Variants in NFKBIZ observed in about 807,000 individuals in gnomAD.
NFKBIZ encodes the protein NFKB inhibitor zeta.
A neutral mutation model predicts 76.8 loss-of-function variants in NFKBIZ; 19 were observed. The ratio of observed to expected loss-of-function variants is 0.25; its 90% CI spans 0.17 to 0.36. The LOEUF is 0.36. Among genes scored for constraint, NFKBIZ ranks in the 10% least tolerant of loss-of-function variants. The probability of loss-of-function intolerance (pLI) is 1.00; values close to 1 mark genes in which losing one functional copy is unlikely to be tolerated. For missense variants in NFKBIZ, 829 were observed against 910.9 expected (o/e 0.91, Z 1.16); for synonymous variants, 368 against 354.8 (o/e 1.04, Z -0.42).
At chr3:101,849,225 AGG>A (rs2107410190), upstream of NFKBIZ, 1 of 155,502 alleles carries the variant, frequency 6.4e-6, no homozygotes, top group Admixed American at 6.5e-5. Context: ...CGGAGGCGGG[AGG>A]CGGGAGGCGG....
Position 101,835,166 on chromosome 3 carries a change from T to C in NFKBIZ, c.-12+5478T>C, listed in dbSNP as rs547808402. On this transcript the variant is annotated intron_variant, in intron 2 of 12. Coordinates refer to the NFKBIZ transcript ENST00000394054. ...GCAGTTAATATACCCATTTTATGGA[T>C]GAGAAAAGAGTCTTAGAGAAATTAA... Among the ~76,000 whole-genome samples, 3 of 152,310 alleles carry C rather than the reference T, an allele frequency of 2.0e-5. No individual in the cohort carries two copies. The East Asian group carries it at 5.8e-4, about 29-fold the overall frequency.
At chr3:101,853,939 G>A in intron 5 of NFKBIZ, 76 bp downstream of exon 5, 3 of 1,430,962 alleles carry the variant, frequency 2.1e-6, no homozygotes, top group Non-Finnish European at 2.9e-6. Flanking sequence ...AATTTTTCTA[G>A]GGTATAACAA....
rs911745021 is a variant in NFKBIZ, at chr3:101,860,872, G to C, written c.*1501G>C. On this transcript the variant is annotated 3_prime_UTR_variant, in exon 12 of 12. Transcript: ENST00000326172. The stretch of plus-strand genomic sequence containing the variant: ...TGAGTACTTAAATTCTTTTTAAAAA[G>C]ATACCCTTTGGATTGATCACATTGT... 1.3e-5 allele frequency: 2 copies of C among 149,524 alleles called. No homozygotes were observed. The highest frequency in any genetic ancestry group is 4.9e-5 in the African/African-American group (2 of 40,550). 9.3% of individuals were successfully genotyped at this position (149,524 alleles called of 1,614,324 possible).
upstream of NFKBIZ, among the ~76,000 whole-genome samples, chr3:101,846,491 A>T (rs1185739733): frequency 6.6e-6 from 1 of 152,164 alleles, no homozygotes; most frequent in African/African-American, 2.4e-5. Flanking sequence ...TTGCACAGAA[A>T]ACTTCGTTTT....
At chr3:101,849,182 G>A (rs1307914942), upstream of NFKBIZ, 1 of 153,132 alleles carries the variant, frequency 6.5e-6, no homozygotes, top group East Asian at 1.9e-4. Flanking sequence ...GGGGCCTAGA[G>A]GGCAGGGATG....
At chr3:101,858,973 C>G (rs1361298865) in intron 11 of NFKBIZ, among the ~76,000 whole-genome samples, 1 of 152,112 alleles carries the variant, frequency 6.6e-6, no homozygotes, top group African/African-American at 2.4e-5. Flanking sequence ...GCCTTAATTA[C>G]TGTCTTATGT....
upstream of NFKBIZ, among the ~76,000 whole-genome samples, chr3:101,846,810 T>G (rs116365862): frequency 4.1e-3 from 618 of 152,282 alleles, 5 homozygotes; most frequent in African/African-American, 0.014. Flanking sequence ...AGAAAGAGAT[T>G]TATTATGAAG....
In NFKBIZ at chr3:101,853,351, G is replaced by C; in HGVS notation, c.825G>C (p.Arg275Ser). Residue 275 changes from arginine (R) to serine (S), a missense_variant, in exon 5 of 12, where the codon AGG (arginine) becomes AGC (serine). Physicochemically the swap from Arg to Ser is moderately radical, Grantham distance 110. This residue lies in a region of NFKBIZ where 371 missense variants were observed against 332.3 expected (regional missense o/e 1.12). Transcript: ENST00000326172. ...AGAAATGCCAACCATTCCAAGTCAG[G>C]GGCTCCCAACAAATGATAGACCAGG... Reference protein sequence around the residue: ...PPQKCQPFQVRGSQQMIDQAS... With the variant: ...PPQKCQPFQVSGSQQMIDQAS... 1 of 1,614,038 alleles carries C rather than the reference G, an allele frequency of 6.2e-7. No individual in the cohort carries two copies. The highest frequency in any genetic ancestry group is 8.5e-7 in the Non-Finnish European group (1 of 1,180,026).
upstream of NFKBIZ, among the ~76,000 whole-genome samples, chr3:101,847,891 C>G (rs1157047794): frequency 6.6e-6 from 1 of 152,210 alleles, no homozygotes; most frequent in Non-Finnish European, 1.5e-5. Context: ...AAACATTCTG[C>G]TCTGTGATCC....
In NFKBIZ at chr3:101,859,438, A is replaced by G. The variant is rs1943104075; in HGVS notation, c.*67A>G. The G allele has an allele frequency of 7.5e-7, 1 of 1,333,872 alleles. No homozygotes were observed. Among genetic ancestry groups the G allele is most frequent in the Non-Finnish European group, 1.1e-6 (1 of 928,268 alleles). The allele number at this position is 1,333,872 out of a possible 1,614,324, so 82.6% of individuals were successfully genotyped here. Reference sequence around the variant, plus strand: ...TTAGGCAGTCCTGATGTATCTGTACATAGACCATTTGCCTTATATTGGCAA... The same window carrying G: ...TTAGGCAGTCCTGATGTATCTGTACGTAGACCATTTGCCTTATATTGGCAA... On this transcript the variant is annotated 3_prime_UTR_variant, in exon 12 of 12. Coordinates refer to ENST00000326172, the MANE Select transcript of NFKBIZ (RefSeq NM_031419.4).
At chr3:101,840,171 A>G (rs1317687136) in intron 2 of NFKBIZ, among the ~76,000 whole-genome samples, 10 of 152,230 alleles carry the variant, frequency 6.6e-5, no homozygotes, top group Admixed American at 6.5e-4. Context: ...ATGTGTGGAA[A>G]TGAAACTTTT....
At chr3:101,855,272 A>G in intron 7 of NFKBIZ, 64 bp downstream of exon 7, 2 of 1,598,682 alleles carry the variant, frequency 1.3e-6, no homozygotes, top group South Asian at 1.1e-5. Context: ...GGATATTAGA[A>G]GTCGGATATA....
At chr3:101,830,830 G>A (rs75143506) in intron 2 of NFKBIZ, among the ~76,000 whole-genome samples, 2,360 of 152,144 alleles carry the variant, frequency 0.016, 58 homozygotes, top group African/African-American at 0.053. Flanking sequence ...ATATAACCAC[G>A]ACAAATGGTG....
chr3:101,833,578 G>A (rs992903501), intron 2 of NFKBIZ, among the ~76,000 whole-genome samples: 2 of 152,186 alleles, frequency 1.3e-5, no homozygotes, highest in Non-Finnish European at 1.5e-5. Context: ...TAAGAGTTTG[G>A]AAACTGAAAG....
At chr3:101,846,247 C>T (rs978896647), upstream of NFKBIZ, among the ~76,000 whole-genome samples, 4 of 152,108 alleles carry the variant, frequency 2.6e-5, no homozygotes, top group African/African-American at 7.2e-5. Flanking sequence ...ACAGTGTCCT[C>T]GTAACATGGT....
At chr3:101,839,130 A>C (rs534667209) in intron 2 of NFKBIZ, among the ~76,000 whole-genome samples, 1 of 152,178 alleles carries the variant, frequency 6.6e-6, no homozygotes. Context: ...TTTTATAACT[A>C]GTCTTTCTGT....
Position 101,853,693 on chromosome 3 carries a change from G to A in NFKBIZ, c.1167G>A (p.Glu389=). The part of the protein sequence containing the change: ...SSACEAMVGH[E]MASDSSNTSL... The stretch of plus-strand genomic sequence containing the variant: ...CCTGTGAGGCCATGGTGGGGCACGA[G>A]ATGGCCTCTGACTCTTCAAACACTT... The change falls in exon 5 of 12, where the codon GAG becomes GAA. Residue 389 remains glutamate (E), a synonymous_variant. Coordinates refer to ENST00000326172, the MANE Select transcript of NFKBIZ (RefSeq NM_031419.4). 2 of 1,614,258 alleles carry A rather than the reference G, an allele frequency of 1.2e-6. No individual in the cohort carries two copies. Among genetic ancestry groups the A allele is most frequent in the Non-Finnish European group, 1.7e-6 (2 of 1,180,050 alleles).
rs1445479160 is a variant in NFKBIZ, at chr3:101,849,803, G to GCGCCCGGCT, written c.186_194dup (p.Pro63_Ser65dup). 5.4e-6 allele frequency: 8 copies of GCGCCCGGCT among 1,470,124 alleles called. No homozygotes were observed. The highest frequency in any genetic ancestry group is 7.2e-6 in the Non-Finnish European group (8 of 1,118,354). The allele number at this position is 1,470,124 out of a possible 1,614,324, so 91.1% of individuals were successfully genotyped here. The stretch of plus-strand genomic sequence containing the variant: ...CAGCTGCTCGGTCTTGGGCCCCTCG[G>GCGCCCGGCT]CGCCCGGCTCGCCCGGCTCCGACTC... On this transcript the variant is annotated inframe_insertion, in exon 1 of 12. Transcript: ENST00000326172.
At position 101,855,650 on chromosome 3, in the gene NFKBIZ, C is replaced by T. The variant is rs772573925; in HGVS notation, c.1655-83C>T. ...GCCCATTTATAGGTTAAGTTAGAGG[C>T]CATCCTCAGCATTTGTCATTATAGA... On this transcript the variant is annotated intron_variant, in intron 8 of 11. Coordinates refer to ENST00000326172, the MANE Select transcript of NFKBIZ (RefSeq NM_031419.4). The T allele has an allele frequency of 2.8e-6, 4 of 1,421,196 alleles. No individual in the cohort carries two copies. The Admixed American group carries it at 6.5e-5, about 23-fold the overall frequency. The allele number at this position is 1,421,196 out of a possible 1,614,324, so 88.0% of individuals were successfully genotyped here.
Sources: allele counts gnomAD v4.1 joint callset (sites outside exome capture counted in the v4.1 genomes callset), GRCh38; gene constraint gnomAD v4.1.1; regional missense constraint gnomAD v4.1.1; transcripts MANE v1.5; gene names NCBI Gene and HGNC (gene_info 2026-07-23, HGNC 2026-07-21).